Variants in VTI1A observed in about 807,000 individuals in gnomAD.
VTI1A encodes vesicle transport through interaction with t-SNAREs 1A, also known as vesicle transport through interaction with t-SNAREs homolog 1A.
VTI1A carries 22 observed loss-of-function variants against 34.9 expected under a neutral mutation model. The ratio of observed to expected loss-of-function variants is 0.63; its 90% CI spans 0.45 to 0.90. The LOEUF is 0.90. VTI1A is among the 40% of genes least tolerant of loss of function. The pLI, the probability that VTI1A is intolerant of heterozygous loss-of-function variation, is 0.00. For synonymous variants in VTI1A, 87 were observed against 97.3 expected (o/e 0.89, Z 0.62); for missense variants, 268 against 275.6 (o/e 0.97, Z 0.20).
At chr10:112,652,419 A>T (rs1471651352) in intron 5 of VTI1A, among the ~76,000 whole-genome samples, 1 of 152,286 alleles carries the variant, frequency 6.6e-6, no homozygotes, top group East Asian at 1.9e-4. Flanking sequence ...GAGGACTCTG[A>T]GGGCAGAACA....
At chr10:112,662,077 T>A (rs1847482665) in intron 5 of VTI1A, among the ~76,000 whole-genome samples, 2 of 152,182 alleles carry the variant, frequency 1.3e-5, no homozygotes, top group Admixed American at 1.3e-4. Context: ...CAGCCAAGAT[T>A]TTAAATTTAT....
At chr10:112,734,887 C>G (rs1173704701) in intron 7 of VTI1A, among the ~76,000 whole-genome samples, 1 of 152,000 alleles carries the variant, frequency 6.6e-6, no homozygotes. Flanking sequence ...CCATCTCGGC[C>G]TCCCAAAGTG....
At chr10:112,463,391 A>G (rs138972367) in intron 2 of VTI1A, among the ~76,000 whole-genome samples, 1,563 of 152,298 alleles carry the variant, frequency 0.01, 19 homozygotes, top group African/African-American at 0.036. Flanking sequence ...GAATTGCCTC[A>G]TTTAGTTTTC....
chr10:112,461,188 T>C (rs147631482), intron 2 of VTI1A, among the ~76,000 whole-genome samples: 270 of 152,340 alleles, frequency 1.8e-3, no homozygotes, highest in African/African-American at 6.3e-3. Flanking sequence ...GATGTATGCT[T>C]ACAACAGCAT....
At chr10:112,514,072 C>T (rs1262900999) in intron 3 of VTI1A, among the ~76,000 whole-genome samples, 1 of 151,864 alleles carries the variant, frequency 6.6e-6, no homozygotes, top group Admixed American at 6.6e-5. Flanking sequence ...TGGAAGAGTT[C>T]GAGAAGAATT....
intron 3 of VTI1A, among the ~76,000 whole-genome samples, chr10:112,485,878 C>CT (rs1251003262): frequency 1.6e-4 from 24 of 152,250 alleles, no homozygotes; most frequent in African/African-American, 5.5e-4. Context: ...TACTTGAGAA[C>CT]TTTTTTCTGT....
intron 5 of VTI1A, among the ~76,000 whole-genome samples, chr10:112,605,680 C>G (rs970272114): frequency 6.6e-6 from 1 of 152,106 alleles, no homozygotes; most frequent in African/African-American, 2.4e-5. Flanking sequence ...ATCTACCTAC[C>G]CACATCCAGC....
chr10:112,722,873 T>G (rs1229106242), intron 7 of VTI1A, among the ~76,000 whole-genome samples: 1 of 152,210 alleles, frequency 6.6e-6, no homozygotes, highest in Non-Finnish European at 1.5e-5. Context: ...AGGCAAAATC[T>G]GGACGTTTGC....
rs188294903 is a variant in VTI1A, at chr10:112,771,441, G to A, written c.561-43849G>A. Among the ~76,000 whole-genome samples, 7 of 152,354 alleles carry A rather than the reference G, an allele frequency of 4.6e-5. No individual in the cohort carries two copies. The East Asian group carries it at 1.4e-3, about 29-fold the overall frequency. On this transcript the variant is annotated intron_variant, in intron 7 of 7. Coordinates refer to ENST00000393077, the MANE Select transcript of VTI1A (RefSeq NM_145206.4). ...GACCATAGGAACTGGGGAGGGAACA[G>A]GAGAAAGGGTTTGCTTGTCCTGCAG...
At chr10:112,500,903 G>A (rs1589834880) in intron 3 of VTI1A, among the ~76,000 whole-genome samples, 1 of 152,228 alleles carries the variant, frequency 6.6e-6, no homozygotes. Context: ...TTCCTTGTCT[G>A]CTTGACAAAC....
chr10:112,504,939 G>T (rs1849375943), intron 3 of VTI1A, among the ~76,000 whole-genome samples: 1 of 151,442 alleles, frequency 6.6e-6, no homozygotes, highest in Non-Finnish European at 1.5e-5. Context: ...TAGTTTTTTT[G>T]GTGGGGGGGT....
intron 3 of VTI1A, among the ~76,000 whole-genome samples, chr10:112,510,682 C>T (rs1228632587): frequency 4.6e-5 from 7 of 151,814 alleles, no homozygotes; most frequent in African/African-American, 1.2e-4. Flanking sequence ...TATAGTTAAA[C>T]GAAAGAGAAA....
At chr10:112,614,157 G>A (rs2134530901) in intron 5 of VTI1A, among the ~76,000 whole-genome samples, 1 of 152,238 alleles carries the variant, frequency 6.6e-6, no homozygotes, top group Non-Finnish European at 1.5e-5. Context: ...GTTAAAGAAG[G>A]GAATTACAGG....
intron 3 of VTI1A, among the ~76,000 whole-genome samples, chr10:112,491,508 T>C (rs1589825008): frequency 6.6e-6 from 1 of 152,216 alleles, no homozygotes; most frequent in Non-Finnish European, 1.5e-5. Context: ...AGAAGTGTTA[T>C]GGCAGCCACA....
chr10:112,643,239 T>A (rs972670366), intron 5 of VTI1A, among the ~76,000 whole-genome samples: 6 of 150,468 alleles, frequency 4.0e-5, no homozygotes, highest in Non-Finnish European at 5.9e-5. Flanking sequence ...CAAGAAGTGA[T>A]CTGCTGGTCT....
At chr10:112,844,128 A>G in the VTI1A span, among the ~76,000 whole-genome samples, 1 of 152,206 alleles carries the variant, frequency 6.6e-6, no homozygotes, top group Non-Finnish European at 1.5e-5. Context: ...GCTGCTATAA[A>G]TAAAAATTAA....
At chr10:112,687,395 G>A (rs1413538043) in intron 7 of VTI1A, among the ~76,000 whole-genome samples, 3 of 151,354 alleles carry the variant, frequency 2.0e-5, no homozygotes, top group South Asian at 2.1e-4. Flanking sequence ...CACCACGCCC[G>A]GCTAATTTTT....
chr10:112,710,819 A>ATG lies in VTI1A; in HGVS notation c.560+41835_560+41836dup, dbSNP rs750095924. 6.0e-3 allele frequency among the ~76,000 whole-genome samples: 910 copies of ATG among 150,570 alleles called. 6 individuals carry two copies. The highest frequency in any genetic ancestry group is 0.02 in the African/African-American group (807 of 41,100). On this transcript the variant is annotated intron_variant, in intron 7 of 7. Transcript: ENST00000393077. ...CATGTGTATCTGTGTGTGTGTGTGT[A>ATG]TGTGTGTGTGTGTGTATGAGAACCT...
chr10:112,831,920 A>G, the VTI1A span: 1 of 152,158 alleles, frequency 6.6e-6, no homozygotes. Flanking sequence ...CATGCGCTGC[A>G]AGTCTAATGA....
Sources: allele counts gnomAD v4.1 joint callset (sites outside exome capture counted in the v4.1 genomes callset), GRCh38; gene constraint gnomAD v4.1.1; transcripts MANE v1.5; gene names NCBI Gene and HGNC (gene_info 2026-07-23, HGNC 2026-07-21).